Variants in CACNA1C observed in about 807,000 individuals in gnomAD.
CACNA1C encodes the protein calcium voltage-gated channel subunit alpha1 C.
In CACNA1C, 30 loss-of-function variants were observed where a neutral mutation model predicts 229.0. That is an observed-to-expected ratio of 0.13 (90% CI 0.10 to 0.18). The LOEUF is 0.18. Ranked by LOEUF, CACNA1C falls within the 10% of genes least tolerant of loss-of-function variation. The pLI, the probability that CACNA1C is intolerant of heterozygous loss-of-function variation, is 1.00. For missense variants in CACNA1C, 1,658 were observed against 2,845.0 expected (o/e 0.58, Z 9.49); for synonymous variants, 1,114 against 1,132.5 (o/e 0.98, Z 0.33).
intron 3 of CACNA1C, among the ~76,000 whole-genome samples, chr12:2,290,481 GT>G: frequency 6.6e-6 from 1 of 152,296 alleles, no homozygotes. Context: ...ATTAGTGCTG[GT>G]TGGGGGCAGA....
chr12:2,361,244 A>G (rs2097549971), intron 3 of CACNA1C, among the ~76,000 whole-genome samples: 4 of 152,094 alleles, frequency 2.6e-5, no homozygotes, highest in Admixed American at 6.5e-5. Flanking sequence ...CTGACACTTA[A>G]AAAATAATAA....
At chr12:2,242,618 G>A (rs571572706) in intron 3 of CACNA1C, among the ~76,000 whole-genome samples, 2 of 152,214 alleles carry the variant, frequency 1.3e-5, no homozygotes, top group Admixed American at 6.5e-5. Context: ...AGTCTTCCTA[G>A]ATTATTGAGG....
Position 2,493,453 on chromosome 12 carries a change from C to G in CACNA1C, c.1113+67C>G. ...GGCCGTGAACCCTTCCCTGACACCTCCCTTTCTCCTCCTCCCCATGGTCTT... is the reference window on the plus strand; with the variant it reads ...GGCCGTGAACCCTTCCCTGACACCTGCCTTTCTCCTCCTCCCCATGGTCTT... On this transcript the variant is annotated intron_variant, in intron 7 of 46. Coordinates refer to ENST00000399655, the MANE Select transcript of CACNA1C (RefSeq NM_000719.7). The surrounding 1 kb of genome is among the most constrained non-coding windows in gnomAD (Gnocchi z 4.6). 3 of 1,185,166 alleles carry G rather than the reference C, an allele frequency of 2.5e-6. No homozygotes were observed. The highest frequency in any genetic ancestry group is 1.3e-5 in the South Asian group (1 of 79,198). 73.4% of individuals were successfully genotyped at this position (1,185,166 alleles called of 1,614,324 possible).
intron 3 of CACNA1C, among the ~76,000 whole-genome samples, chr12:2,429,617 G>A (rs766315344): frequency 4.6e-5 from 7 of 152,142 alleles, no homozygotes; most frequent in Non-Finnish European, 8.8e-5. Flanking sequence ...AAAGCTCTTC[G>A]TAGCCTGCAG....
chr12:2,422,121 A>C (rs555745471), intron 3 of CACNA1C, among the ~76,000 whole-genome samples: 2 of 152,322 alleles, frequency 1.3e-5, no homozygotes, highest in African/African-American at 4.8e-5. Context: ...CGGCCCATTC[A>C]GTTTCCAAAA....
intron 3 of CACNA1C, among the ~76,000 whole-genome samples, chr12:2,392,277 A>G (rs1350765970): frequency 6.6e-6 from 1 of 152,228 alleles, no homozygotes; most frequent in Non-Finnish European, 1.5e-5. Context: ...TTCCACTGCT[A>G]CCATCATAAC....
chr12:2,247,656 G>T (rs1413713764), intron 3 of CACNA1C, among the ~76,000 whole-genome samples: 1 of 152,190 alleles, frequency 6.6e-6, no homozygotes, highest in African/African-American at 2.4e-5. Context: ...ACGATGGCAA[G>T]ATTTTGCAAA....
chr12:2,292,112 A>G (rs1281838394), intron 3 of CACNA1C, among the ~76,000 whole-genome samples: 1 of 152,254 alleles, frequency 6.6e-6, no homozygotes, highest in Non-Finnish European at 1.5e-5. Context: ...GCCATGAAGC[A>G]CTACTAAGTG....
At chr12:2,314,332 T>C (rs1452154733) in intron 3 of CACNA1C, among the ~76,000 whole-genome samples, 1 of 152,224 alleles carries the variant, frequency 6.6e-6, no homozygotes, top group Non-Finnish European at 1.5e-5. Flanking sequence ...GATCTGATAT[T>C]TTAAAGTAAA....
chr12:2,579,258 T>G (rs1036103185), intron 13 of CACNA1C, among the ~76,000 whole-genome samples: 2 of 152,222 alleles, frequency 1.3e-5, no homozygotes, highest in Non-Finnish European at 2.9e-5. Flanking sequence ...CAACCTTCCA[T>G]GACCATTAAG....
At chr12:2,315,961 A>G (rs1037079651) in intron 3 of CACNA1C, among the ~76,000 whole-genome samples, 6 of 152,178 alleles carry the variant, frequency 3.9e-5, no homozygotes, top group Non-Finnish European at 8.8e-5. Flanking sequence ...ACAGAAAGGA[A>G]CTGCATTCCA....
chr12:2,159,604 T>TTTA (rs2095738029), intron 3 of CACNA1C, among the ~76,000 whole-genome samples: 1 of 118,526 alleles, frequency 8.4e-6, no homozygotes, highest in African/African-American at 4.7e-5. Flanking sequence ...TTTCTTTCTC[T>TTTA]TTTTTTTTTT....
upstream of CACNA1C, among the ~76,000 whole-genome samples, chr12:2,050,356 G>A (rs144873674): frequency 6.6e-6 from 1 of 152,268 alleles, no homozygotes; most frequent in Non-Finnish European, 1.5e-5. Context: ...CTGTAAAATG[G>A]GGATAATCAT....
chr12:2,142,592 T>C (rs2154194886), intron 3 of CACNA1C, among the ~76,000 whole-genome samples: 1 of 151,514 alleles, frequency 6.6e-6, no homozygotes, highest in East Asian at 1.9e-4. Flanking sequence ...TAAGAAGGCA[T>C]TGTCATCTTA....
At position 2,275,947 on chromosome 12, in the gene CACNA1C, G is replaced by A. The variant is rs1275933519; in HGVS notation, c.477+155517G>A. Reference sequence around the variant, plus strand: ...GTGTCTGTGGGGAGACTGATTCCTGGACCCCTCTCAGATACAAAACCCAAG... The same window carrying A: ...GTGTCTGTGGGGAGACTGATTCCTGAACCCCTCTCAGATACAAAACCCAAG... On this transcript the variant is annotated intron_variant, in intron 3 of 46. Transcript: ENST00000399655. The surrounding 1 kb of genome is among the most constrained non-coding windows in gnomAD (Gnocchi z 4.1). 6.6e-6 allele frequency among the ~76,000 whole-genome samples: 1 copy of A among 152,004 alleles called. No homozygotes were observed. Among genetic ancestry groups the A allele is most frequent in the Non-Finnish European group, 1.5e-5 (1 of 68,004 alleles).
chr12:2,169,365 C>T (rs894462354), intron 3 of CACNA1C, among the ~76,000 whole-genome samples: 7 of 152,142 alleles, frequency 4.6e-5, no homozygotes, highest in Admixed American at 3.9e-4. Flanking sequence ...CAATCTGAAA[C>T]GTGTGAGTAC....
chr12:2,682,558 C>A lies in CACNA1C; in HGVS notation c.5453C>A (p.Ser1818Tyr). 1 of 1,612,086 alleles carries A rather than the reference C, an allele frequency of 6.2e-7. No homozygotes were observed. The change falls in exon 43 of 47, where the codon TCC becomes TAC. Residue 1818 changes from serine to tyrosine, a missense_variant. By Grantham distance (144) the Ser-to-Tyr change is moderately radical. Transcript: ENST00000399655. The stretch of plus-strand genomic sequence containing the variant: ...CATCTTGGATATTGTAGGTGCCACT[C>A]CCGGGAGAGCCAGGCAGCCATGGCG... ...AWKLSSNRCH[S>Y]RESQAAMAGQ...
At chr12:2,043,595 G>C (rs1594263292) in intron 1 of CACNA1C, among the ~76,000 whole-genome samples, 1 of 150,884 alleles carries the variant, frequency 6.6e-6, no homozygotes, top group East Asian at 1.9e-4. Context: ...GAATGGCTGA[G>C]AAGCTCACTC....
chr12:2,180,143 GTAGA>G (rs2096790755), intron 3 of CACNA1C, among the ~76,000 whole-genome samples: 1 of 152,242 alleles, frequency 6.6e-6, no homozygotes, highest in Non-Finnish European at 1.5e-5. Flanking sequence ...TGAGCACACG[GTAGA>G]TGGATGGATG....
Sources: gnomAD v4.1 joint callset for allele counts (sites outside exome capture counted in the v4.1 genomes callset) on GRCh38, gnomAD v4.1.1 for gene constraint, Gnocchi (gnomAD v3.1) non-coding constraint, MANE v1.5 for transcripts, NCBI Gene and HGNC (gene_info 2026-07-23, HGNC 2026-07-21) for gene names.